Variants in NIPBL observed in about 807,000 individuals in gnomAD.
NIPBL encodes NIPBL cohesin loading factor.
In NIPBL, 19 loss-of-function variants were observed where a neutral mutation model predicts 321.8. The observed-to-expected ratio is 0.06, with a 90% CI of 0.04 to 0.09. The LOEUF (loss-of-function observed/expected upper bound fraction) is 0.09, where lower values mean the gene tolerates loss of function less well. NIPBL is among the 10% of genes least tolerant of loss of function. The pLI is 1.00. For missense variants in NIPBL, 2,210 were observed against 3,327.0 expected, an observed-to-expected ratio of 0.66 and a Z score of 8.26; for synonymous variants, 1,106 against 1,114.1, an observed-to-expected ratio of 0.99 and a Z score of 0.14.
At chr5:36,946,597 T>G (rs1739710904) in intron 1 of NIPBL, among the ~76,000 whole-genome samples, 1 of 151,982 alleles carries the variant, frequency 6.6e-6, no homozygotes, top group Non-Finnish European at 1.5e-5. Flanking sequence ...TATGTATATA[T>G]ATACACACAC....
intron 32 of NIPBL, among the ~76,000 whole-genome samples, chr5:37,029,891 T>G (rs528804766): frequency 2.0e-5 from 3 of 152,224 alleles, no homozygotes; most frequent in Non-Finnish European, 4.4e-5. Context: ...TTGGCATCAT[T>G]TCTTTCCTAA....
intron 1 of NIPBL, among the ~76,000 whole-genome samples, chr5:36,911,338 C>T (rs1748034195): frequency 6.6e-6 from 1 of 152,160 alleles, no homozygotes; most frequent in South Asian, 2.1e-4. Context: ...TAATTTGGAA[C>T]AGTTACCTTA....
chr5:36,903,398 G>A (rs1243138092), intron 1 of NIPBL, among the ~76,000 whole-genome samples: 2 of 152,182 alleles, frequency 1.3e-5, no homozygotes, highest in African/African-American at 2.4e-5. Context: ...GATGTTGGCT[G>A]TGGGTTTGCT....
chr5:37,045,746 C>G (rs949776485), intron 37 of NIPBL, 149 bp downstream of exon 37: 2 of 797,704 alleles, frequency 2.5e-6, no homozygotes, highest in Non-Finnish European at 4.1e-6. Context: ...AAAACGTGGT[C>G]CTCAGACTGG....
intron 1 of NIPBL, among the ~76,000 whole-genome samples, chr5:36,878,074 A>G (rs1337240537): frequency 6.6e-6 from 1 of 152,224 alleles, no homozygotes; most frequent in Non-Finnish European, 1.5e-5. Flanking sequence ...GGAGCATACA[A>G]AGAATTTTAA....
chr5:37,037,392 A>AATAT (rs377464793), intron 33 of NIPBL, among the ~76,000 whole-genome samples: 10 of 145,738 alleles, frequency 6.9e-5, no homozygotes, highest in African/African-American at 2.2e-4. Context: ...CGTCTCAAAA[A>AATAT]ATATATATAT....
intron 1 of NIPBL, among the ~76,000 whole-genome samples, chr5:36,923,729 A>C (rs1749132353): frequency 6.6e-6 from 1 of 152,230 alleles, no homozygotes; most frequent in Admixed American, 6.5e-5. Context: ...CAACTGATTG[A>C]TATAAATGAG....
At chr5:36,901,228 A>C (rs141655125) in intron 1 of NIPBL, among the ~76,000 whole-genome samples, 1 of 152,204 alleles carries the variant, frequency 6.6e-6, no homozygotes, top group East Asian at 1.9e-4. Flanking sequence ...TAATTTGCTT[A>C]AGATAATGGC....
chr5:37,028,681 A>C (rs545658567), intron 32 of NIPBL, among the ~76,000 whole-genome samples: 1 of 152,124 alleles, frequency 6.6e-6, no homozygotes, highest in African/African-American at 2.4e-5. Flanking sequence ...ATATTATCTC[A>C]TTCATAAATA....
In NIPBL at chr5:36,985,914, TCAC is replaced by T; in HGVS notation, c.2737_2739del (p.Pro913del). On this transcript the variant is annotated inframe_deletion, in exon 10 of 47. Coordinates refer to ENST00000282516, the MANE Select transcript of NIPBL (RefSeq NM_133433.4). ...AAGATCTGATAAACTTGGTTTTAAATCACCAACTAGTAAAGATGACAAAAGGAC... is the reference window on the plus strand; with the variant it reads ...AAGATCTGATAAACTTGGTTTTAAATCAACTAGTAAAGATGACAAAAGGAC... The T allele has an allele frequency of 6.2e-7, 1 of 1,613,860 alleles. No individual in the cohort carries two copies. Among genetic ancestry groups the T allele is most frequent in the Non-Finnish European group, 8.5e-7 (1 of 1,179,940 alleles).
intron 21 of NIPBL, among the ~76,000 whole-genome samples, chr5:37,013,764 TG>T (rs1448374190): frequency 6.8e-6 from 1 of 146,902 alleles, no homozygotes; most frequent in Non-Finnish European, 1.5e-5. Context: ...TCCCAGACGA[TG>T]GGCGGCCAGG....
In NIPBL at chr5:37,020,764, T is replaced by C. The variant is rs375923130; in HGVS notation, c.5226-11T>C. On this transcript the variant is annotated splice_polypyrimidine_tract_variant and intron_variant, in intron 26 of 46. Coordinates refer to ENST00000282516, the MANE Select transcript of NIPBL (RefSeq NM_133433.4). ...AAAGAAAAATAAATTTTTAATGACT[T>C]TTTGTTGCAGGATGAACTCTGATAC... 2.3e-5 allele frequency: 37 copies of C among 1,612,736 alleles called. No individual in the cohort carries two copies. The African/African-American group carries it at 4.5e-4, about 20-fold the overall frequency.
intron 34 of NIPBL, among the ~76,000 whole-genome samples, chr5:37,041,252 G>GTTTGTTTT (rs1752315497): frequency 1.6e-5 from 1 of 64,006 alleles, no homozygotes; most frequent in Non-Finnish European, 2.7e-5. Context: ...TTATGTGGTG[G>GTTTGTTTT]TTTTTTTTTT....
Position 37,038,654 on chromosome 5 carries a change from T to G in NIPBL, c.6024T>G (p.Thr2008=), listed in dbSNP as rs953071807. ...GAAGATTGGTAGCTTGCATAACCAC[T>G]TTGTTCTTATTCAGCAAAATAAGAC... is the stretch of plus-strand genomic sequence containing the variant. ...NSGRLVACIT[T]LFLFSKIRPQ... Residue 2008 remains threonine, a synonymous_variant, in exon 34 of 47, where the codon ACT becomes ACG. Transcript: ENST00000282516. The G allele has an allele frequency of 2.5e-5, 40 of 1,613,764 alleles. No homozygotes were observed. Among genetic ancestry groups the G allele is most frequent in the Non-Finnish European group, 3.3e-5 (39 of 1,179,892 alleles).
intron 6 of NIPBL, among the ~76,000 whole-genome samples, chr5:36,970,192 C>T (rs1742695943): frequency 6.6e-6 from 1 of 151,834 alleles, no homozygotes; most frequent in Admixed American, 6.6e-5. Flanking sequence ...AGTTTGAGAG[C>T]AGCCTGGGCA....
Position 36,984,431 on chromosome 5 carries a change from T to G in NIPBL, c.1496-245T>G, listed in dbSNP as rs1169439578. On this transcript the variant is annotated intron_variant, in intron 9 of 46. Coordinates refer to ENST00000282516, the MANE Select transcript of NIPBL (RefSeq NM_133433.4). ...ATATTCTTACACTTATTTATATCCT[T>G]AAAGAGTATGCAGTTAAATTCTTTT... 3.3e-5 allele frequency among the ~76,000 whole-genome samples: 5 copies of G among 152,138 alleles called. No individual in the cohort carries two copies. The South Asian group carries it at 1.0e-3, about 31-fold the overall frequency.
chr5:37,029,327 G>A (rs1341561098), intron 32 of NIPBL, among the ~76,000 whole-genome samples: 1 of 152,146 alleles, frequency 6.6e-6, no homozygotes, highest in African/African-American at 2.4e-5. Context: ...TATCAATGGA[G>A]TCATACAGTA....
intron 45 of NIPBL, among the ~76,000 whole-genome samples, chr5:37,063,479 A>G (rs1755023402): frequency 6.6e-6 from 1 of 152,196 alleles, no homozygotes; most frequent in African/African-American, 2.4e-5. Context: ...CTGTTTTTGT[A>G]TCTAACCCAT....
At chr5:36,960,573 G>A (rs1303785008) in intron 4 of NIPBL, among the ~76,000 whole-genome samples, 4 of 152,100 alleles carry the variant, frequency 2.6e-5, no homozygotes. Flanking sequence ...AATCTCTTTT[G>A]TAGTACTCTT....
Sources: allele counts gnomAD v4.1 joint callset (sites outside exome capture counted in the v4.1 genomes callset), GRCh38; gene constraint gnomAD v4.1.1; transcripts MANE v1.5; gene names NCBI Gene and HGNC (gene_info 2026-07-23, HGNC 2026-07-21).